Variants in GMCL1 observed in about 807,000 individuals in gnomAD.
GMCL1 encodes the protein germ cell-less 1, spermatogenesis associated.
GMCL1 carries 54 observed loss-of-function variants against 75.5 expected under a neutral mutation model. The observed-to-expected ratio is 0.71, with a 90% CI of 0.57 to 0.90. The LOEUF (loss-of-function observed/expected upper bound fraction) is 0.90, where lower values mean the gene tolerates loss of function less well. Among genes scored for constraint, GMCL1 ranks in the 40% least tolerant of loss-of-function variants. The probability of loss-of-function intolerance (pLI) is 0.00; values close to 1 mark genes in which losing one functional copy is unlikely to be tolerated. For missense variants in GMCL1, 537 were observed against 622.7 expected, an observed-to-expected ratio of 0.86 and a Z score of 1.47; for synonymous variants, 210 against 209.6, an observed-to-expected ratio of 1.00 and a Z score of -0.02.
intron 11 of GMCL1, among the ~76,000 whole-genome samples, chr2:69,866,120 A>G (rs1675810275): frequency 6.6e-6 from 1 of 152,018 alleles, no homozygotes. Flanking sequence ...GTAGTGGTGT[A>G]TGCCTGTAGT....
intron 9 of GMCL1, among the ~76,000 whole-genome samples, chr2:69,856,775 T>C (rs967088357): frequency 1.3e-5 from 2 of 150,952 alleles, no homozygotes; most frequent in Admixed American, 6.6e-5. Flanking sequence ...GTGTGCACTT[T>C]CCAAACCATT....
chr2:69,854,184 C>G (rs1398874317), intron 8 of GMCL1, among the ~76,000 whole-genome samples: 2 of 149,768 alleles, frequency 1.3e-5, no homozygotes, highest in African/African-American at 2.5e-5. Flanking sequence ...AGTTCTTGCT[C>G]TGTCACACAG....
At chr2:69,841,458 A>G (rs1674983393) in intron 4 of GMCL1, among the ~76,000 whole-genome samples, 1 of 152,246 alleles carries the variant, frequency 6.6e-6, no homozygotes, top group Non-Finnish European at 1.5e-5. Context: ...TATAAATCAC[A>G]TATATGTATT....
chr2:69,859,322 AAT>A (rs34562235), intron 9 of GMCL1, among the ~76,000 whole-genome samples: 19 of 149,352 alleles, frequency 1.3e-4, no homozygotes, highest in East Asian at 1.9e-4. Flanking sequence ...ATCAGCTTTA[AAT>A]ATATATATAT....
At chr2:69,868,061 A>G (rs1675871260) in intron 11 of GMCL1, among the ~76,000 whole-genome samples, 1 of 152,130 alleles carries the variant, frequency 6.6e-6, no homozygotes. Context: ...ATCTTAGTCC[A>G]TTCCCTCTCT....
chr2:69,853,353 GTTTGC>G (rs534461704), intron 8 of GMCL1, among the ~76,000 whole-genome samples: 279 of 152,230 alleles, frequency 1.8e-3, no homozygotes, highest in African/African-American at 6.2e-3. Flanking sequence ...CTGCTTTCTT[GTTTGC>G]TTTGCTGACT....
intron 8 of GMCL1, among the ~76,000 whole-genome samples, chr2:69,850,286 T>A (rs1675276339): frequency 6.6e-6 from 1 of 152,182 alleles, no homozygotes. Flanking sequence ...TAAGATCAAC[T>A]GCTATAAGGT....
At chr2:69,850,118 A>G (rs1021332883) in intron 8 of GMCL1, among the ~76,000 whole-genome samples, 1 of 152,204 alleles carries the variant, frequency 6.6e-6, no homozygotes, top group African/African-American at 2.4e-5. Flanking sequence ...TCAGGCAACC[A>G]TTCTTAACAT....
rs976631207 is a variant in GMCL1 at position 69,881,319 on chromosome 2, G to A, written c.*2315G>A. ...CCAAATATTTTTATGTGTTTCCAGA[G>A]TTCTTTTCAATAGAAATATTTTCAA... On this transcript the variant is annotated 3_prime_UTR_variant, in exon 14 of 14. Transcript: ENST00000282570. 9 of 152,170 alleles carry A rather than the reference G, an allele frequency of 5.9e-5. No individual in the cohort carries two copies. Among genetic ancestry groups the A allele is most frequent in the African/African-American group, 2.2e-4 (9 of 41,448 alleles). The allele number at this position is 152,170 out of a possible 1,614,324, so 9.4% of individuals were successfully genotyped here. A position where few individuals can be genotyped will look rare whatever the true frequency, so the allele number is the denominator to read the frequency against.
At position 69,834,368 on chromosome 2, in the gene GMCL1, C is replaced by A. The variant is rs79122042; in HGVS notation, c.261-3179C>A. Among the ~76,000 whole-genome samples, 10 of 152,258 alleles carry A rather than the reference C, an allele frequency of 6.6e-5. No homozygotes were observed. In the East Asian group the frequency reaches 1.9e-3, roughly 29 times the overall value. On this transcript the variant is annotated intron_variant, in intron 1 of 13. Coordinates refer to ENST00000282570, the MANE Select transcript of GMCL1 (RefSeq NM_178439.5). ...GATTGAATCCACTATTTTGTGTAGCCTGCATTTCTTTCTCGCTTATTTTAG... is the reference window on the plus strand; with the variant it reads ...GATTGAATCCACTATTTTGTGTAGCATGCATTTCTTTCTCGCTTATTTTAG...
rs1332340836 is a variant in GMCL1, at chr2:69,830,068, T to A, written c.176T>A (p.Phe59Tyr). ...AAGCGCAAGCGGAGCAGCGGGTCCT[T>A]CTGCTACTGTCACCCTGACTCGGAG... Reference protein sequence around the residue: ...SHKRKRSSGSFCYCHPDSETD... With the variant: ...SHKRKRSSGSYCYCHPDSETD... Residue 59 changes from phenylalanine (F) to tyrosine (Y), a missense_variant, in exon 1 of 14, where the codon TTC becomes TAC. This residue lies in a region of GMCL1 where 144 missense variants were observed against 127.2 expected (regional missense o/e 1.13). Transcript: ENST00000282570. 1.3e-6 allele frequency: 2 copies of A among 1,572,702 alleles called. No individual in the cohort carries two copies. The highest frequency in any genetic ancestry group is 1.7e-6 in the Non-Finnish European group (2 of 1,158,426).
chr2:69,871,928 AT>A, intron 13 of GMCL1, 96 bp downstream of exon 13: 1 of 778,946 alleles, frequency 1.3e-6, no homozygotes, highest in Non-Finnish European at 2.1e-6. Context: ...AAGTGATGGC[AT>A]TTTGACCTAA....
chr2:69,874,238 T>C (rs1676062049), intron 13 of GMCL1, among the ~76,000 whole-genome samples: 1 of 152,228 alleles, frequency 6.6e-6, no homozygotes, highest in African/African-American at 2.4e-5. Flanking sequence ...CCAAAGCTAC[T>C]GTCCAATTTA....
intron 2 of GMCL1, among the ~76,000 whole-genome samples, chr2:69,838,788 G>GA (rs1213537283): frequency 1.3e-5 from 2 of 152,138 alleles, no homozygotes. Context: ...ACCCCTCGTG[G>GA]AAGATGTATT....
Position 69,871,668 on chromosome 2 carries a change from A to G in GMCL1, c.1365-77A>G, listed in dbSNP as rs1293318085. The G allele has an allele frequency of 1.0e-4, 75 of 744,586 alleles. 1 individual carries two copies. In the East Asian group the frequency reaches 1.6e-3, roughly 16 times the overall value. The allele number at this position is 744,586 out of a possible 1,614,324, so 46.1% of individuals were successfully genotyped here. A position where few individuals can be genotyped will look rare whatever the true frequency, so the allele number is the denominator to read the frequency against. On this transcript the variant is annotated intron_variant, in intron 12 of 13. Coordinates refer to ENST00000282570, the MANE Select transcript of GMCL1 (RefSeq NM_178439.5). The stretch of plus-strand genomic sequence containing the variant: ...ATAAAAAACAGAGGAAAAAGTAAAT[A>G]TGAAAGTAAGGAAGAGCTTGTTTAA...
chr2:69,838,290 T>C (rs937880851), intron 2 of GMCL1, among the ~76,000 whole-genome samples: 2 of 126,322 alleles, frequency 1.6e-5, no homozygotes, highest in Admixed American at 2.1e-4. Flanking sequence ...TGAGCTGAGA[T>C]CGTACCACTG....
In GMCL1 at chr2:69,847,027, G is replaced by A. The variant is rs542758357; in HGVS notation, c.759-516G>A. On this transcript the variant is annotated intron_variant, in intron 6 of 13. Transcript: ENST00000282570. ...TTTTTTTTTTTTTTTTTGGTAGCACGAGGTCTCACCATGTTGTCCAGGCTG... is the reference window on the plus strand; with the variant it reads ...TTTTTTTTTTTTTTTTTGGTAGCACAAGGTCTCACCATGTTGTCCAGGCTG... Among the ~76,000 whole-genome samples the A allele has an allele frequency of 1.4e-4, 21 of 145,554 alleles. No individual in the cohort carries two copies. In the East Asian group the frequency reaches 3.4e-3, roughly 23 times the overall value.
At chr2:69,849,621 T>A in intron 7 of GMCL1, 31 bp from the exon 8 acceptor site, 1 of 1,303,466 alleles carries the variant, frequency 7.7e-7, no homozygotes, top group Non-Finnish European at 1.1e-6. Flanking sequence ...AATTTCATAA[T>A]TGTTTTCTTA....
chr2:69,833,142 T>TA (rs1172453136), intron 1 of GMCL1, among the ~76,000 whole-genome samples: 2 of 152,234 alleles, frequency 1.3e-5, no homozygotes, highest in African/African-American at 4.8e-5. Context: ...AGGCTAAAGA[T>TA]ATTTACTATC....
Sources: gnomAD v4.1 joint callset for allele counts (sites outside exome capture counted in the v4.1 genomes callset) on GRCh38, gnomAD v4.1.1 for gene constraint, gnomAD v4.1.1 regional missense constraint, MANE v1.5 for transcripts, NCBI Gene and HGNC (gene_info 2026-07-23, HGNC 2026-07-21) for gene names.